Variants in ATP2C1 observed in about 807,000 individuals in gnomAD.
ATP2C1 encodes calcium-transporting ATPase type 2C member 1.
In ATP2C1, 31 loss-of-function variants were observed where a neutral mutation model predicts 120.5. The observed-to-expected ratio is 0.26, with a 90% CI of 0.19 to 0.35. ATP2C1 has a LOEUF of 0.35. Among genes scored for constraint, ATP2C1 ranks in the 10% least tolerant of loss-of-function variants. The probability of loss-of-function intolerance (pLI) is 1.00; values close to 1 mark genes in which losing one functional copy is unlikely to be tolerated. For synonymous variants in ATP2C1, 351 were observed against 358.7 expected, an observed-to-expected ratio of 0.98 and a Z score of 0.24; for missense variants, 731 against 1,107.5, an observed-to-expected ratio of 0.66 and a Z score of 4.83.
At chr3:130,906,968 T>C (rs1225622146) in intron 2 of ATP2C1, among the ~76,000 whole-genome samples, 1 of 152,104 alleles carries the variant, frequency 6.6e-6, no homozygotes, top group Non-Finnish European at 1.5e-5. Flanking sequence ...GATGTGCTTA[T>C]TGGTTATTTG....
At chr3:130,877,702 A>G (rs1040499947) in intron 1 of ATP2C1, among the ~76,000 whole-genome samples, 2 of 152,128 alleles carry the variant, frequency 1.3e-5, no homozygotes, top group Non-Finnish European at 2.9e-5. Flanking sequence ...ACTGTAAACT[A>G]GTTCAACCAT....
In ATP2C1 at chr3:131,002,886, GA is replaced by G. The variant is rs1232222476; in HGVS notation, c.*1538del. The G allele has an allele frequency of 1.0e-6, 1 of 985,788 alleles. No individual in the cohort carries two copies. Among genetic ancestry groups the G allele is most frequent in the Non-Finnish European group, 1.2e-6 (1 of 829,906 alleles). The allele number at this position is 985,788 out of a possible 1,614,324, so 61.1% of individuals were successfully genotyped here. Reference sequence around the variant, plus strand: ...TTATTCTACTTAACCCTTTAAGGCTGAATTGTCAAATGTACATTGTTCCATG... The same window carrying G: ...TTATTCTACTTAACCCTTTAAGGCTGATTGTCAAATGTACATTGTTCCATG... On this transcript the variant is annotated 3_prime_UTR_variant, in exon 28 of 28. Transcript: ENST00000510168.
At chr3:130,931,245 C>T (rs2059436654) in intron 3 of ATP2C1, among the ~76,000 whole-genome samples, 1 of 151,892 alleles carries the variant, frequency 6.6e-6, no homozygotes, top group South Asian at 2.1e-4. Flanking sequence ...ACCTTTTGGT[C>T]AGGGCAACTA....
intron 1 of ATP2C1, among the ~76,000 whole-genome samples, chr3:130,853,771 A>C (rs2067751457): frequency 6.6e-6 from 1 of 152,176 alleles, no homozygotes; most frequent in African/African-American, 2.4e-5. Context: ...GCACCCATGC[A>C]CACATGACAC....
At chr3:130,902,498 T>A (rs2108007283) in intron 2 of ATP2C1, among the ~76,000 whole-genome samples, 1 of 151,964 alleles carries the variant, frequency 6.6e-6, no homozygotes, top group African/African-American at 2.4e-5. Context: ...ACCCTTAGTG[T>A]AGATCAATGA....
At chr3:130,891,803 A>G (rs2069177969), upstream of ATP2C1, among the ~76,000 whole-genome samples, 1 of 152,186 alleles carries the variant, frequency 6.6e-6, no homozygotes, top group Non-Finnish European at 1.5e-5. Context: ...ATATGTGTAT[A>G]TGTTTGTCTA....
At chr3:130,956,877 T>G (rs2060604469) in intron 11 of ATP2C1, among the ~76,000 whole-genome samples, 1 of 152,210 alleles carries the variant, frequency 6.6e-6, no homozygotes, top group African/African-American at 2.4e-5. Context: ...CAACGATTTC[T>G]TTTGTCCCTT....
At chr3:130,985,496 G>A (rs1027761502) in intron 20 of ATP2C1, among the ~76,000 whole-genome samples, 11 of 151,910 alleles carry the variant, frequency 7.2e-5, no homozygotes, top group Non-Finnish European at 1.5e-4. Flanking sequence ...AGCTGGGTGT[G>A]GTGGTGGGCG....
intron 22 of ATP2C1, among the ~76,000 whole-genome samples, chr3:130,995,124 A>G (rs894447860): frequency 2.6e-4 from 39 of 152,184 alleles, no homozygotes; most frequent in African/African-American, 8.9e-4. Context: ...GGTGAAGAAG[A>G]TAATCATGGC....
intron 19 of ATP2C1, 152 bp from the exon 20 acceptor site, chr3:130,980,430 C>T (rs2061705118): frequency 3.2e-6 from 2 of 621,576 alleles, no homozygotes; most frequent in Non-Finnish European, 5.8e-6. Flanking sequence ...AAACATAAAA[C>T]TCCAGACTTA....
intron 8 of ATP2C1, among the ~76,000 whole-genome samples, chr3:130,946,084 C>A (rs1255222495): frequency 1.3e-5 from 2 of 151,996 alleles, no homozygotes; most frequent in Non-Finnish European, 2.9e-5. Context: ...TTTTTTTAAA[C>A]CTATTTTTGA....
In ATP2C1 at chr3:130,953,815, C is replaced by T. The variant is rs886057981; in HGVS notation, c.532-6C>T. The T allele has an allele frequency of 5.0e-6, 8 of 1,613,816 alleles. No homozygotes were observed. The East Asian group carries it at 1.8e-4, about 36-fold the overall frequency. On this transcript the variant is annotated splice_polypyrimidine_tract_variant and splice_region_variant and intron_variant, in intron 8 of 27. Transcript: ENST00000510168. ...TTTGAATCTGGGATTCTTTATGTTC[C>T]CTAAGGCTGTGGATCTTTCCATTGA...
intron 3 of ATP2C1, among the ~76,000 whole-genome samples, chr3:130,931,005 T>C (rs941188555): frequency 2.4e-4 from 36 of 152,248 alleles, no homozygotes; most frequent in African/African-American, 8.4e-4. Context: ...CTGTAATTGC[T>C]TATGTAGGCT....
At chr3:130,961,870 G>A (rs181900364) in intron 12 of ATP2C1, among the ~76,000 whole-genome samples, 1 of 152,154 alleles carries the variant, frequency 6.6e-6, no homozygotes, top group African/African-American at 2.4e-5. Context: ...AATGATGTGG[G>A]TGAAATTAAT....
At chr3:130,860,381 T>A (rs1368550011) in intron 1 of ATP2C1, among the ~76,000 whole-genome samples, 2 of 152,260 alleles carry the variant, frequency 1.3e-5, no homozygotes, top group Non-Finnish European at 2.9e-5. Flanking sequence ...AATTATTTCT[T>A]TCCTACTCAC....
Position 130,999,677 on chromosome 3 carries a change from T to G in ATP2C1, c.2629+18T>G. ...CATACTGGGTAAAGAAAACGTTATC[T>G]TTATCATTTATGTATTTTAGATAAA... is the stretch of plus-strand genomic sequence containing the variant. On this transcript the variant is annotated intron_variant, in intron 27 of 27. Coordinates refer to ENST00000510168, the MANE Select transcript of ATP2C1 (RefSeq NM_001378687.1). 2 of 1,599,904 alleles carry G rather than the reference T, an allele frequency of 1.3e-6. No homozygotes were observed. Among genetic ancestry groups the G allele is most frequent in the Non-Finnish European group, 1.7e-6 (2 of 1,167,810 alleles).
At chr3:130,985,449 A>G (rs2061957107) in intron 20 of ATP2C1, among the ~76,000 whole-genome samples, 1 of 152,136 alleles carries the variant, frequency 6.6e-6, no homozygotes, top group South Asian at 2.1e-4. Flanking sequence ...CCTGGCCAAC[A>G]TGGCGAAACC....
At chr3:130,934,565 C>T (rs1287880846) in intron 4 of ATP2C1, 57 bp from the exon 5 acceptor site, 3 of 1,123,306 alleles carry the variant, frequency 2.7e-6, no homozygotes, top group African/African-American at 3.1e-5. Context: ...AAAGCCTTTG[C>T]TGAGAGAACT....
In ATP2C1 at chr3:130,953,857, G is replaced by C. The variant is rs1168297156; in HGVS notation, c.568G>C (p.Gly190Arg). 1 of 1,614,040 alleles carries C rather than the reference G, an allele frequency of 6.2e-7. No homozygotes were observed. Among genetic ancestry groups the C allele is most frequent in the Non-Finnish European group, 8.5e-7 (1 of 1,179,960 alleles). The change falls in exon 9 of 28, where the codon GGT becomes CGT. Residue 190 changes from glycine (G) to arginine (R), a missense_variant. Gly to Arg is a moderately radical substitution (Grantham distance 125). Around this residue, in one of 3 missense-constraint regions of ATP2C1, gnomAD observed 571 missense variants for 845.9 expected, o/e 0.67. Transcript: ENST00000510168. ...DLSIDESSLT[G>R]ETTPCSKVTA... ...TTCCATTGATGAGTCCAGCTTGACA[G>C]GTGAGACAACGCCTTGTTCTAAGGT...
Sources: allele counts gnomAD v4.1 joint callset (sites outside exome capture counted in the v4.1 genomes callset), GRCh38; gene constraint gnomAD v4.1.1; regional missense constraint gnomAD v4.1.1; transcripts MANE v1.5; gene names NCBI Gene and HGNC (gene_info 2026-07-23, HGNC 2026-07-21).